PPEF1: variants seen among roughly 807,000 people sequenced by gnomAD.
PPEF1 encodes the protein protein phosphatase with EF-hand domain 1.
PPEF1 carries 12 observed loss-of-function variants against 53.3 expected under a neutral mutation model. The ratio of observed to expected loss-of-function variants is 0.23; its 90% CI spans 0.14 to 0.36. The LOEUF (loss-of-function observed/expected upper bound fraction) is 0.36, where lower values mean the gene tolerates loss of function less well. PPEF1 is among the 10% of genes least tolerant of loss of function. The probability of loss-of-function intolerance (pLI) is 1.00; values close to 1 mark genes in which losing one functional copy is unlikely to be tolerated. For synonymous variants in PPEF1, 165 were observed against 176.7 expected (o/e 0.93, Z 0.52); for missense variants, 334 against 490.4 (o/e 0.68, Z 3.01).
intron 13 of PPEF1, among the ~76,000 whole-genome samples, chrX:18,819,256 AC>A (rs1454609398): frequency 1.8e-5 from 2 of 112,520 alleles, no homozygotes; most frequent in East Asian, 5.5e-4. Context: ...GAAATATGGA[AC>A]CAGAAACATG....
At chrX:18,770,406 G>A (rs1484973566) in intron 6 of PPEF1, among the ~76,000 whole-genome samples, 1 of 111,512 alleles carries the variant, frequency 9.0e-6, no homozygotes, top group Non-Finnish European at 1.9e-5. Flanking sequence ...GTCTTGAGGG[G>A]CTTAACACTG....
chrX:18,740,461 G>A (rs945587801), intron 3 of PPEF1, among the ~76,000 whole-genome samples: 3 of 106,497 alleles, frequency 2.8e-5, no homozygotes, highest in African/African-American at 1.0e-4. Flanking sequence ...CCAGGCTGCA[G>A]TGCAGTGGCA....
chrX:18,709,546 G>A (rs1233834299), intron 1 of PPEF1, among the ~76,000 whole-genome samples: 1 of 101,536 alleles, frequency 9.8e-6, no homozygotes, highest in Non-Finnish European at 1.9e-5. Context: ...CACCCAGGCT[G>A]GAGTGCAGTG....
chrX:18,812,889 C>A (rs938987497), intron 12 of PPEF1, among the ~76,000 whole-genome samples: 1 of 109,931 alleles, frequency 9.1e-6, no homozygotes, highest in African/African-American at 3.3e-5. Context: ...TAGCTTGCAC[C>A]ACCACACCCG....
chrX:18,803,868 C>A, intron 10 of PPEF1, 24 bp from the exon 11 acceptor site: 1 of 1,161,656 alleles, frequency 8.6e-7, no homozygotes, highest in Non-Finnish European at 1.2e-6. Context: ...TAAGTTACAG[C>A]GAAATCTGGT....
intron 3 of PPEF1, among the ~76,000 whole-genome samples, chrX:18,689,718 G>C (rs1929258987): frequency 9.1e-6 from 1 of 109,900 alleles, no homozygotes; most frequent in Non-Finnish European, 1.9e-5. Flanking sequence ...AGTTTGAGAA[G>C]TGCTGTTTTA....
At chrX:18,675,284 C>G (rs781626537), upstream of PPEF1, among the ~76,000 whole-genome samples, 2 of 113,677 alleles carry the variant, frequency 1.8e-5, no homozygotes, top group Non-Finnish European at 3.8e-5. Context: ...GCACCCTGCT[C>G]GGGCTTTGCG....
At chrX:18,788,304 CAAA>C (rs1214682551) in intron 9 of PPEF1, among the ~76,000 whole-genome samples, 7 of 30,290 alleles carry the variant, frequency 2.3e-4, no homozygotes, top group Admixed American at 1.0e-3. Flanking sequence ...GACTCTGTCT[CAAA>C]AAAAAAAAAA....
At chrX:18,762,737 G>A (rs947679682) in intron 6 of PPEF1, among the ~76,000 whole-genome samples, 3 of 111,834 alleles carry the variant, frequency 2.7e-5, no homozygotes, top group African/African-American at 6.5e-5. Flanking sequence ...GAGTATAGCC[G>A]TGAGAATGAC....
chrX:18,786,774 C>G (rs1045090806), intron 9 of PPEF1, among the ~76,000 whole-genome samples: 2 of 65,522 alleles, frequency 3.1e-5, no homozygotes, highest in Non-Finnish European at 5.6e-5. Flanking sequence ...CAGTGAAACA[C>G]TATCTCAAAA....
intron 1 of PPEF1, among the ~76,000 whole-genome samples, chrX:18,711,014 G>GTA (rs1186207901): frequency 3.9e-4 from 42 of 108,047 alleles, no homozygotes; most frequent in Non-Finnish European, 6.5e-4. Flanking sequence ...ATGTGTGTGT[G>GTA]TGTATGTGTG....
At chrX:18,808,404 A>T (rs2046728968) in intron 12 of PPEF1, among the ~76,000 whole-genome samples, 1 of 111,333 alleles carries the variant, frequency 9.0e-6, no homozygotes, top group African/African-American at 3.3e-5. Flanking sequence ...CATACATATT[A>T]TTCTGTAGTA....
In PPEF1 at chrX:18,817,887, A is replaced by G. The variant is rs761554349; in HGVS notation, c.1395-152A>G. 7 of 408,648 alleles carry G rather than the reference A, an allele frequency of 1.7e-5. No homozygotes were observed. In the East Asian group the frequency reaches 2.8e-4, roughly 16 times the overall value. The allele number at this position is 408,648 out of a possible 1,213,427, so 33.7% of individuals were successfully genotyped here. On this transcript the variant is annotated intron_variant, in intron 12 of 15. Coordinates refer to ENST00000470157, the MANE Select transcript of PPEF1 (RefSeq NM_001377996.1). ...TGCACACACACATACACATACATAT[A>G]CATATGCATATATTTACCATCTAGT...
intron 12 of PPEF1, among the ~76,000 whole-genome samples, chrX:18,811,605 ATATATATATATTTTTTTT>A (rs1199586271): frequency 1.0e-3 from 17 of 16,830 alleles, no homozygotes; most frequent in African/African-American, 3.8e-3. Context: ...ATATATATAT[ATATATATATATTTTTTTT>A]TTTTTTTTTT....
chrX:18,776,536 C>G (rs778275713), intron 6 of PPEF1, among the ~76,000 whole-genome samples: 2 of 111,842 alleles, frequency 1.8e-5, no homozygotes, highest in East Asian at 5.6e-4. Context: ...CGTGCCCAGA[C>G]TTCTTTACGT....
intron 12 of PPEF1, among the ~76,000 whole-genome samples, chrX:18,812,718 A>G (rs1005279571): frequency 8.9e-6 from 1 of 111,775 alleles, no homozygotes; most frequent in African/African-American, 3.2e-5. Flanking sequence ...TTATTTCTAA[A>G]TATTTTATTC....
At chrX:18,693,347 C>T (rs1208939887) in intron 4 of PPEF1, among the ~76,000 whole-genome samples, 1 of 111,725 alleles carries the variant, frequency 9.0e-6, no homozygotes, top group Non-Finnish European at 1.9e-5. Context: ...TGCTCCCAAC[C>T]TTTGCTGTGT....
At chrX:18,796,672 T>C (rs1442036191) in intron 10 of PPEF1, among the ~76,000 whole-genome samples, 4 of 111,871 alleles carry the variant, frequency 3.6e-5, no homozygotes, top group Non-Finnish European at 7.5e-5. Context: ...ATTTCTGGTG[T>C]AAAATATACC....
chrX:18,826,419 T>A (rs2047166513), intron 15 of PPEF1, among the ~76,000 whole-genome samples: 1 of 17,696 alleles, frequency 5.7e-5, no homozygotes, highest in Non-Finnish European at 1.5e-4. Context: ...ATTTTCTGCT[T>A]TTTTTTTTTT....
Sources: gnomAD v4.1 joint callset for allele counts (sites outside exome capture counted in the v4.1 genomes callset) on GRCh38, gnomAD v4.1.1 for gene constraint, MANE v1.5 for transcripts, NCBI Gene and HGNC (gene_info 2026-07-23, HGNC 2026-07-21) for gene names.